The following MAP3K13 variants were observed in gnomAD, a reference collection of about 807,000 sequenced individuals.
MAP3K13 encodes leucine zipper-bearing kinase.
MAP3K13 carries 52 observed loss-of-function variants against 104.0 expected under a neutral mutation model. That is an observed-to-expected ratio of 0.50 (90% CI 0.40 to 0.63). The LOEUF is 0.63. Among genes scored for constraint, MAP3K13 ranks in the 20% least tolerant of loss-of-function variants. The pLI, the probability that MAP3K13 is intolerant of heterozygous loss-of-function variation, is 0.00. For synonymous variants in MAP3K13, 394 were observed against 442.2 expected, an observed-to-expected ratio of 0.89 and a Z score of 1.37; for missense variants, 914 against 1,218.5, an observed-to-expected ratio of 0.75 and a Z score of 3.72.
At chr3:185,313,269 G>GTT (rs34876743) in intron 2 of MAP3K13, among the ~76,000 whole-genome samples, 2 of 116,586 alleles carry the variant, frequency 1.7e-5, no homozygotes, top group Admixed American at 8.9e-5. Flanking sequence ...AATAGTACAA[G>GTT]TTTTTTTTTT....
chr3:185,386,349 C>A (rs1484300318), intron 1 of MAP3K13, among the ~76,000 whole-genome samples: 1 of 152,056 alleles, frequency 6.6e-6, no homozygotes, highest in African/African-American at 2.4e-5. Context: ...AAATGCAAAT[C>A]AAAACCATGA....
Position 185,451,376 on chromosome 3 carries a change from A to G in MAP3K13, c.1259A>G (p.Glu420Gly), listed in dbSNP as rs1283779408. ...ASADVLATPQETYFKSQAEWR... is the reference protein window; with the variant it reads ...ASADVLATPQGTYFKSQAEWR... The stretch of plus-strand genomic sequence containing the variant: ...GCAGATGTACTTGCCACCCCACAAG[A>G]AACTTACTTCAAGTCTCAGGTAAGT... Residue 420 changes from glutamate (E) to glycine (G), a missense_variant, in exon 7 of 14, where the codon GAA becomes GGA. This residue lies in a region of MAP3K13 where 583 missense variants were observed against 737.4 expected (regional missense o/e 0.79). Transcript: ENST00000265026. The G allele has an allele frequency of 1.7e-5, 28 of 1,613,064 alleles. No individual in the cohort carries two copies. Among genetic ancestry groups the G allele is most frequent in the African/African-American group, 2.7e-5 (2 of 74,924 alleles).
At chr3:185,370,864 GAAAT>G (rs1190365605) in intron 1 of MAP3K13, among the ~76,000 whole-genome samples, 3 of 151,490 alleles carry the variant, frequency 2.0e-5, no homozygotes, top group Non-Finnish European at 4.4e-5. Context: ...GCCTTTTCCT[GAAAT>G]AACCTTTGTT....
At chr3:185,352,189 A>C (rs1235885903) in intron 2 of MAP3K13, among the ~76,000 whole-genome samples, 2 of 152,218 alleles carry the variant, frequency 1.3e-5, no homozygotes, top group Admixed American at 1.3e-4. Flanking sequence ...TCACTCCTGT[A>C]ATCCCAGCAC....
intron 1 of MAP3K13, among the ~76,000 whole-genome samples, chr3:185,412,026 C>T (rs902859733): frequency 6.6e-6 from 1 of 152,164 alleles, no homozygotes; most frequent in Non-Finnish European, 1.5e-5. Flanking sequence ...TCAGGTCATC[C>T]TCCCACCTCG....
chr3:185,293,232 C>T (rs1328488005), intron 2 of MAP3K13, among the ~76,000 whole-genome samples: 3 of 152,108 alleles, frequency 2.0e-5, no homozygotes, highest in African/African-American at 7.2e-5. Flanking sequence ...ATTCTCCTGC[C>T]TCAGCCTCCC....
rs766751701 is a variant in MAP3K13, at chr3:185,466,934, G to C, written c.1614G>C (p.Val538=). ...AGAAACTCATGAAAAGGAAAGGAGT[G>C]CCTCACAAATCTGGGATGCAGACCA... ...AMEKLMKRKG[V]PHKSGMQTKR... Residue 538 remains valine, a synonymous_variant, in exon 10 of 14, where the codon GTG becomes GTC. Transcript: ENST00000265026. 14 of 1,613,846 alleles carry C rather than the reference G, an allele frequency of 8.7e-6. No individual in the cohort carries two copies. The South Asian group carries it at 1.3e-4, about 15-fold the overall frequency.
chr3:185,365,007 G>T (rs113959686), intron 1 of MAP3K13, among the ~76,000 whole-genome samples: 2,416 of 152,202 alleles, frequency 0.016, 67 homozygotes, highest in African/African-American at 0.053. Context: ...TTTAAAAAAT[G>T]TTGTTTAATA....
At chr3:185,349,820 A>G (rs557739250) in intron 2 of MAP3K13, among the ~76,000 whole-genome samples, 15 of 152,304 alleles carry the variant, frequency 9.8e-5, no homozygotes, top group African/African-American at 3.6e-4. Context: ...TGTCTCCCTA[A>G]GACTCCCCTT....
intron 2 of MAP3K13, among the ~76,000 whole-genome samples, chr3:185,330,046 A>ATTTTTTTTTTTTTTTTTT (rs548813356): frequency 4.1e-5 from 4 of 98,278 alleles, no homozygotes; most frequent in African/African-American, 1.3e-4. Context: ...TGCCTGGCTA[A>ATTTTTTTTTTTTTTTTTT]TTTTTTTTTT....
Position 185,418,128 on chromosome 3 carries a change from G to A in MAP3K13, c.-85-10369G>A. 3.1e-6 allele frequency: 5 copies of A among 1,608,054 alleles called. No individual in the cohort carries two copies. Among genetic ancestry groups the A allele is most frequent in the South Asian group, 1.1e-5 (1 of 90,888 alleles). On this transcript the variant is annotated intron_variant, in intron 1 of 13. Coordinates refer to ENST00000265026, the MANE Select transcript of MAP3K13 (RefSeq NM_004721.5). This position sits in a 1 kb window ranked among gnomAD's most constrained non-coding sequence, Gnocchi z 4.5. ...CAGGGATGTTTCTGAAGGCCTTGAT[G>A]ATACCATTATCCTCATTATAGATGA... is the stretch of plus-strand genomic sequence containing the variant.
At chr3:185,419,298 G>A (rs1416449739) in intron 1 of MAP3K13, among the ~76,000 whole-genome samples, 3 of 152,114 alleles carry the variant, frequency 2.0e-5, no homozygotes, top group Non-Finnish European at 4.4e-5. Context: ...CAGCACATCC[G>A]GCCTATAGTT....
chr3:185,306,953 G>T (rs908469905), intron 2 of MAP3K13, among the ~76,000 whole-genome samples: 8 of 152,146 alleles, frequency 5.3e-5, no homozygotes, highest in African/African-American at 1.4e-4. Context: ...GGACAGTTTT[G>T]CTGGCTACAG....
intron 2 of MAP3K13, among the ~76,000 whole-genome samples, chr3:185,290,704 C>T (rs1490813225): frequency 6.6e-6 from 1 of 152,088 alleles, no homozygotes; most frequent in East Asian, 1.9e-4. Context: ...AAATAGGAGA[C>T]ATTAGTAGTA....
chr3:185,431,733 T>G (rs991960733), intron 2 of MAP3K13, among the ~76,000 whole-genome samples: 2 of 152,238 alleles, frequency 1.3e-5, no homozygotes, highest in Non-Finnish European at 2.9e-5. Context: ...AGACTTCAGT[T>G]ACCATTATCC....
chr3:185,454,463 G>C (rs1483483727), intron 7 of MAP3K13, among the ~76,000 whole-genome samples: 3 of 65,624 alleles, frequency 4.6e-5, no homozygotes, highest in African/African-American at 1.2e-4. Context: ...AGATATATAT[G>C]ATATATATAT....
intron 1 of MAP3K13, among the ~76,000 whole-genome samples, chr3:185,419,150 G>A (rs1713981157): frequency 6.6e-6 from 1 of 151,866 alleles, no homozygotes; most frequent in Admixed American, 6.6e-5. Flanking sequence ...CTGAGTAGCT[G>A]GGACTACAGG....
At chr3:185,343,667 G>T (rs1158881992) in intron 2 of MAP3K13, among the ~76,000 whole-genome samples, 1 of 152,102 alleles carries the variant, frequency 6.6e-6, no homozygotes, top group Non-Finnish European at 1.5e-5. Context: ...TGGCCAGGAT[G>T]GTCTCGATCT....
intron 1 of MAP3K13, among the ~76,000 whole-genome samples, chr3:185,407,322 C>T (rs1478123240): frequency 6.6e-6 from 1 of 152,140 alleles, no homozygotes; most frequent in African/African-American, 2.4e-5. Flanking sequence ...TAAACTCTTA[C>T]CTCATTTTGC....
Sources: allele counts gnomAD v4.1 joint callset (sites outside exome capture counted in the v4.1 genomes callset), GRCh38; gene constraint gnomAD v4.1.1; regional missense constraint gnomAD v4.1.1; non-coding constraint Gnocchi (gnomAD v3.1); transcripts MANE v1.5; gene names NCBI Gene and HGNC (gene_info 2026-07-23, HGNC 2026-07-21).